Variants in TENM2 observed in about 807,000 individuals in gnomAD.
The protein encoded by TENM2 is teneurin transmembrane protein 2.
A neutral mutation model predicts 245.2 loss-of-function variants in TENM2; 52 were observed. That is an observed-to-expected ratio of 0.21 (90% CI 0.17 to 0.27). The LOEUF is 0.27. Ranked by LOEUF, TENM2 falls within the 10% of genes least tolerant of loss-of-function variation. The probability of loss-of-function intolerance (pLI) is 1.00; values close to 1 mark genes in which losing one functional copy is unlikely to be tolerated. For missense variants in TENM2, 3,046 were observed against 3,666.8 expected (o/e 0.83, Z 4.37); for synonymous variants, 1,363 against 1,438.9 (o/e 0.95, Z 1.19).
At chr5:168,260,736 C>T (rs1768109810) in intron 28 of TENM2, among the ~76,000 whole-genome samples, 1 of 152,324 alleles carries the variant, frequency 6.6e-6, no homozygotes, top group South Asian at 2.1e-4. Context: ...CCTATAAGAT[C>T]ATAACCCTTT....
intron 2 of TENM2, among the ~76,000 whole-genome samples, chr5:167,777,104 G>T (rs201403442): frequency 1.3e-5 from 2 of 152,176 alleles, no homozygotes; most frequent in East Asian, 3.9e-4. Context: ...GGTTATTAAA[G>T]ACTGGCCTAC....
At chr5:167,840,894 T>C (rs1380002553) in intron 2 of TENM2, among the ~76,000 whole-genome samples, 3 of 152,180 alleles carry the variant, frequency 2.0e-5, no homozygotes, top group African/African-American at 4.8e-5. Context: ...AGCCCTCCGT[T>C]TGTGGGGTAA....
At chr5:168,029,588 C>G (rs368641101) in intron 5 of TENM2, among the ~76,000 whole-genome samples, 14 of 152,284 alleles carry the variant, frequency 9.2e-5, no homozygotes, top group African/African-American at 3.1e-4. Flanking sequence ...GAAGGGGTGG[C>G]AATTGCTCTG....
intron 4 of TENM2, among the ~76,000 whole-genome samples, chr5:167,955,972 A>G (rs1011607689): frequency 5.3e-5 from 8 of 152,126 alleles, no homozygotes; most frequent in African/African-American, 1.9e-4. Context: ...TTGGTTCCAT[A>G]TTAAATTTTA....
At chr5:167,441,817 G>T (rs1407680032) in intron 2 of TENM2, among the ~76,000 whole-genome samples, 1 of 152,104 alleles carries the variant, frequency 6.6e-6, no homozygotes. Context: ...TGCGATGATG[G>T]GTAAGGCAGT....
chr5:167,630,625 T>G (rs1469032240), intron 2 of TENM2, among the ~76,000 whole-genome samples: 1 of 152,150 alleles, frequency 6.6e-6, no homozygotes, highest in Non-Finnish European at 1.5e-5. Context: ...ATATGGTGAT[T>G]TTTATGACTG....
At chr5:167,041,317 A>G in the TENM2 span, among the ~76,000 whole-genome samples, 1 of 152,218 alleles carries the variant, frequency 6.6e-6, no homozygotes, top group Non-Finnish European at 1.5e-5. Context: ...ACAGGCCGTA[A>G]TTTACGCAAC....
chr5:168,216,539 A>G (rs1443044168), intron 21 of TENM2, among the ~76,000 whole-genome samples: 10 of 152,164 alleles, frequency 6.6e-5, no homozygotes. Flanking sequence ...TGCAGGGAAG[A>G]AGGTGGTGAT....
At chr5:168,101,980 G>C (rs1335703190) in intron 9 of TENM2, among the ~76,000 whole-genome samples, 1 of 152,022 alleles carries the variant, frequency 6.6e-6, no homozygotes, top group East Asian at 1.9e-4. Context: ...CAATTTCATG[G>C]GACAGAAGTA....
the TENM2 span, among the ~76,000 whole-genome samples, chr5:167,175,564 C>T: frequency 6.2e-4 from 94 of 152,210 alleles, no homozygotes; most frequent in Non-Finnish European, 1.2e-3. Flanking sequence ...ATTGCCAACT[C>T]CTGAATTTTC....
chr5:167,254,006 C>G, the TENM2 span, among the ~76,000 whole-genome samples: 1 of 151,916 alleles, frequency 6.6e-6, no homozygotes, highest in African/African-American at 2.4e-5. Flanking sequence ...AAAATAAAAT[C>G]GGTAAATTCA....
chr5:167,552,647 G>A (rs1773027467), intron 2 of TENM2, among the ~76,000 whole-genome samples: 1 of 152,188 alleles, frequency 6.6e-6, no homozygotes, highest in South Asian at 2.1e-4. Flanking sequence ...GGAGTTTGCT[G>A]CTTTGGGCAT....
At chr5:167,622,780 A>G (rs541407769) in intron 2 of TENM2, among the ~76,000 whole-genome samples, 1 of 152,276 alleles carries the variant, frequency 6.6e-6, no homozygotes, top group East Asian at 1.9e-4. Context: ...TGCTGTGTGC[A>G]TATTGGAATT....
At chr5:167,052,412 A>G in the TENM2 span, among the ~76,000 whole-genome samples, 2 of 152,168 alleles carry the variant, frequency 1.3e-5, no homozygotes, top group Non-Finnish European at 2.9e-5. Context: ...TTATGGTGTT[A>G]TGGGTACTCA....
In TENM2 at chr5:168,023,511, C is replaced by T. The variant is rs552326560; in HGVS notation, c.1187-23916C>T. 1.8e-3 allele frequency among the ~76,000 whole-genome samples: 267 copies of T among 152,216 alleles called. 3 individuals are homozygous for T. Among genetic ancestry groups the T allele is most frequent in the Non-Finnish European group, 2.6e-3 (178 of 68,016 alleles). ...GGCTCCTCTCACTGGCCTGCCCAGG[C>T]GGGGATGCGGGGCCTGCCTCAGTCA... On this transcript the variant is annotated intron_variant, in intron 5 of 28. Coordinates refer to ENST00000518659, the Ensembl canonical transcript of TENM2.
chr5:167,288,997 G>A (rs1357015229), intron 1 of TENM2, among the ~76,000 whole-genome samples: 1 of 152,114 alleles, frequency 6.6e-6, no homozygotes, highest in Non-Finnish European at 1.5e-5. Flanking sequence ...AGTATTGATT[G>A]AACATATAAT....
exon 29 of TENM2, chr5:168,262,314 A>G (rs1365953894): frequency 6.2e-7 from 1 of 1,610,518 alleles, no homozygotes; most frequent in Non-Finnish European, 8.5e-7. Flanking sequence ...GACAAGATGC[A>G]CTACAGCATC....
At chr5:167,456,234 A>G (rs1765913994) in intron 2 of TENM2, among the ~76,000 whole-genome samples, 1 of 152,206 alleles carries the variant, frequency 6.6e-6, no homozygotes, top group Admixed American at 6.5e-5. Context: ...ACTCCAGTCA[A>G]TAGGAACCCC....
At chr5:167,702,815 C>T (rs1758256185) in intron 2 of TENM2, among the ~76,000 whole-genome samples, 3 of 151,972 alleles carry the variant, frequency 2.0e-5, no homozygotes, top group Admixed American at 2.0e-4. Flanking sequence ...CAGGCATGCG[C>T]CACCATGCCC....
Sources: gnomAD v4.1 joint callset for allele counts (sites outside exome capture counted in the v4.1 genomes callset) on GRCh38, gnomAD v4.1.1 for gene constraint, MANE v1.5 for transcripts, NCBI Gene and HGNC (gene_info 2026-07-23, HGNC 2026-07-21) for gene names.